The following NAV2 variants were observed in gnomAD, a reference collection of about 807,000 sequenced individuals.
NAV2 encodes helicase, APC down-regulated 1.
NAV2 carries 54 observed loss-of-function variants against 223.2 expected under a neutral mutation model. The observed-to-expected ratio is 0.24, with a 90% confidence interval of 0.19 to 0.30. The LOEUF (loss-of-function observed/expected upper bound fraction) is 0.30. NAV2 is among the 10% of genes least tolerant of loss of function. The pLI, the probability that NAV2 is intolerant of heterozygous loss-of-function variation, is 1.00. For synonymous variants in NAV2, 1,279 were observed against 1,239.3 expected (o/e 1.03, Z -0.67); for missense variants, 2,806 against 3,147.5 (o/e 0.89, Z 2.60).
intron 2 of NAV2, among the ~76,000 whole-genome samples, chr11:19,834,073 C>T (rs192781735): frequency 5.3e-5 from 8 of 152,338 alleles, no homozygotes; most frequent in African/African-American, 1.4e-4. Context: ...CAGGTCCCTA[C>T]ACTCAAAGGG....
intron 1 of NAV2, among the ~76,000 whole-genome samples, chr11:19,456,256 G>A (rs1851955802): frequency 2.6e-5 from 4 of 152,212 alleles, no homozygotes. Flanking sequence ...TCCTTCATGT[G>A]ATCTTGAAGC....
chr11:19,492,420 T>C (rs753746198), intron 1 of NAV2, among the ~76,000 whole-genome samples: 2 of 152,130 alleles, frequency 1.3e-5, no homozygotes, highest in Non-Finnish European at 2.9e-5. Context: ...TCAGCATGTG[T>C]CTGAAAGAGA....
intron 10 of NAV2, among the ~76,000 whole-genome samples, chr11:19,971,276 C>A (rs1037755987): frequency 1.3e-5 from 2 of 151,984 alleles, no homozygotes; most frequent in African/African-American, 4.8e-5. Context: ...ATGTGCCAAG[C>A]TGAAGAGGTT....
chr11:19,509,887 T>C (rs184328319), intron 1 of NAV2, among the ~76,000 whole-genome samples: 61 of 152,108 alleles, frequency 4.0e-4, no homozygotes, highest in Non-Finnish European at 7.4e-5. Flanking sequence ...ATGAGCTGGG[T>C]TTAGCAGGCA....
intron 6 of NAV2, among the ~76,000 whole-genome samples, chr11:19,906,610 A>G (rs1182930897): frequency 6.6e-6 from 1 of 152,178 alleles, no homozygotes; most frequent in African/African-American, 2.4e-5. Context: ...GCAGTTTCCT[A>G]TAAGTTATAG....
At chr11:19,765,439 T>C (rs1360071978) in intron 1 of NAV2, among the ~76,000 whole-genome samples, 1 of 144,064 alleles carries the variant, frequency 6.9e-6, no homozygotes, top group Non-Finnish European at 1.5e-5. Flanking sequence ...CTCCTCCTTC[T>C]TCTTCCCCTT....
chr11:19,910,868 T>C (rs2043249962), intron 6 of NAV2, among the ~76,000 whole-genome samples: 1 of 151,930 alleles, frequency 6.6e-6, no homozygotes, highest in Non-Finnish European at 1.5e-5. Flanking sequence ...CGAAACAAAA[T>C]AAAATTAAAA....
intron 1 of NAV2, among the ~76,000 whole-genome samples, chr11:19,591,892 T>C (rs2046073141): frequency 6.6e-6 from 1 of 152,196 alleles, no homozygotes; most frequent in South Asian, 2.1e-4. Context: ...GTGGACGCTG[T>C]CATAATTGCA....
At chr11:19,515,794 G>A (rs938538605) in intron 1 of NAV2, among the ~76,000 whole-genome samples, 1 of 152,204 alleles carries the variant, frequency 6.6e-6, no homozygotes, top group African/African-American at 2.4e-5. Flanking sequence ...AGCAGGGTGG[G>A]GTGGGAAGTG....
At chr11:19,550,409 A>C (rs530543292) in intron 1 of NAV2, among the ~76,000 whole-genome samples, 2 of 152,326 alleles carry the variant, frequency 1.3e-5, no homozygotes, top group Admixed American at 6.5e-5. Flanking sequence ...AAACTTCACG[A>C]AATCTCCCCA....
At chr11:19,538,029 C>T (rs2044237445) in intron 1 of NAV2, among the ~76,000 whole-genome samples, 2 of 152,192 alleles carry the variant, frequency 1.3e-5, no homozygotes, top group Admixed American at 6.5e-5. Flanking sequence ...GAACTCAGAC[C>T]TGGGTTCCTT....
At chr11:19,667,903 C>T (rs1307093936) in intron 1 of NAV2, among the ~76,000 whole-genome samples, 7 of 152,284 alleles carry the variant, frequency 4.6e-5, no homozygotes, top group African/African-American at 9.6e-5. Flanking sequence ...ACTTAAAACC[C>T]GCAGTTACAC....
At chr11:19,886,918 G>A (rs1249748354) in intron 5 of NAV2, among the ~76,000 whole-genome samples, 2 of 152,086 alleles carry the variant, frequency 1.3e-5, no homozygotes, top group South Asian at 4.1e-4. Flanking sequence ...CTCTGCTGAG[G>A]CCAATGAAGG....
At position 20,086,938 on chromosome 11, in the gene NAV2, G is replaced by A. The variant is rs530930599; in HGVS notation, c.5498+3759G>A. ...CAACCAGCCTGGACTTCCTAGAGGT[G>A]TAGATTTGGGAGACACAGACTTATT... is the stretch of plus-strand genomic sequence containing the variant. On this transcript the variant is annotated intron_variant, in intron 26 of 37. Transcript: ENST00000349880. Among the ~76,000 whole-genome samples, 14 of 152,220 alleles carry A rather than the reference G, an allele frequency of 9.2e-5. No homozygotes were observed. The East Asian group carries it at 1.4e-3, about 15-fold the overall frequency.
intron 8 of NAV2, among the ~76,000 whole-genome samples, chr11:19,944,637 TTTCTC>T (rs1251501533): frequency 1.9e-5 from 2 of 102,564 alleles, no homozygotes; most frequent in Admixed American, 1.0e-4. Context: ...TTTCTTTCCT[TTTCTC>T]TTTTCTTTCC....
At chr11:19,672,716 G>T (rs951077210) in intron 1 of NAV2, among the ~76,000 whole-genome samples, 6 of 152,108 alleles carry the variant, frequency 3.9e-5, no homozygotes, top group Non-Finnish European at 7.3e-5. Flanking sequence ...ACGCAAGCTG[G>T]CACCTCCCAC....
At chr11:19,757,602 A>G (rs770949357) in intron 1 of NAV2, among the ~76,000 whole-genome samples, 8 of 152,146 alleles carry the variant, frequency 5.3e-5, no homozygotes, top group Admixed American at 1.3e-4. Flanking sequence ...AGCAGCATGA[A>G]CTAAGAGGAT....
At chr11:19,747,373 T>G (rs574566227) in intron 1 of NAV2, among the ~76,000 whole-genome samples, 2 of 152,208 alleles carry the variant, frequency 1.3e-5, no homozygotes, top group African/African-American at 4.8e-5. Flanking sequence ...CTAATAACAC[T>G]ATTAGGAGGA....
intron 1 of NAV2, among the ~76,000 whole-genome samples, chr11:19,766,693 G>A (rs759957353): frequency 6.6e-6 from 1 of 152,148 alleles, no homozygotes; most frequent in Non-Finnish European, 1.5e-5. Context: ...CTCAGCTCCA[G>A]ATGTGAAGCC....
Sources: gnomAD v4.1 joint callset for allele counts (sites outside exome capture counted in the v4.1 genomes callset) on GRCh38, gnomAD v4.1.1 for gene constraint, MANE v1.5 for transcripts, NCBI Gene and HGNC (gene_info 2026-07-23, HGNC 2026-07-21) for gene names.